Variants in FBN2 observed in about 807,000 individuals in gnomAD.
FBN2 encodes the protein fibrillin 2, also known as fibrillin-2.
FBN2 carries 105 observed loss-of-function variants against 355.6 expected under a neutral mutation model. The ratio of observed to expected loss-of-function variants is 0.30; its 90% CI spans 0.25 to 0.35. The LOEUF (loss-of-function observed/expected upper bound fraction) is 0.35, where lower values mean the gene tolerates loss of function less well. Among genes scored for constraint, FBN2 ranks in the 10% least tolerant of loss-of-function variants. The pLI, the probability that FBN2 is intolerant of heterozygous loss-of-function variation, is 1.00. For missense variants in FBN2, 3,280 were observed against 3,758.7 expected, an observed-to-expected ratio of 0.87 and a Z score of 3.33; for synonymous variants, 1,350 against 1,301.2, an observed-to-expected ratio of 1.04 and a Z score of -0.81.
Position 128,392,983 on chromosome 5 carries a change from C to T in FBN2, c.1465+152G>A, listed in dbSNP as rs1276317874. 10 of 692,640 alleles carry T rather than the reference C, an allele frequency of 1.4e-5. No homozygotes were observed. In the Admixed American group the frequency reaches 2.3e-4, roughly 16 times the overall value. 42.9% of individuals were successfully genotyped at this position (692,640 alleles called of 1,614,324 possible). Reference sequence around the variant, plus strand: ...TGTATCAGACCTTGAAACACTTTTCCCTCTGTCTCTCTCTCTCTCGCACCC... The same window carrying T: ...TGTATCAGACCTTGAAACACTTTTCTCTCTGTCTCTCTCTCTCTCGCACCC... On this transcript the variant is annotated intron_variant, in intron 10 of 64. Coordinates refer to ENST00000262464, the MANE Select transcript of FBN2 (RefSeq NM_001999.4).
At chr5:128,518,055 A>G (rs908516137) in intron 5 of FBN2, among the ~76,000 whole-genome samples, 9 of 152,130 alleles carry the variant, frequency 5.9e-5, no homozygotes, top group Non-Finnish European at 1.0e-4. Flanking sequence ...ATTATTTTAG[A>G]TAGCTTACAC....
chr5:128,360,960 T>C (rs1015795491), intron 19 of FBN2, among the ~76,000 whole-genome samples: 1 of 152,154 alleles, frequency 6.6e-6, no homozygotes, highest in Non-Finnish European at 1.5e-5. Context: ...CACAGTGAGA[T>C]TTAAACAGGA....
In FBN2 at chr5:128,334,722, T is replaced by C. The variant is rs768722316; in HGVS notation, c.4096A>G (p.Thr1366Ala). The C allele has an allele frequency of 8.1e-6, 13 of 1,614,062 alleles. No homozygotes were observed. Among genetic ancestry groups the C allele is most frequent in the African/African-American group, 2.7e-5 (2 of 74,938 alleles). Residue 1366 changes from threonine to alanine, a missense_variant, in exon 31 of 65, where the codon ACA becomes GCA. By Grantham distance (58) the Thr-to-Ala change is moderately conservative. Transcript: ENST00000262464. Reference sequence around the variant, plus strand: ...AGAACACAAGCTTGAAACCTACCTGTACATCCTGTGGTCCCCTTCTTCACT... The same window carrying C: ...AGAACACAAGCTTGAAACCTACCTGCACATCCTGTGGTCCCCTTCTTCACT... Reference protein sequence around the residue: ...YSVKKGTTGCTDVDECEIGAH... With the variant: ...YSVKKGTTGCADVDECEIGAH...
At chr5:128,291,957 A>G (rs1581192576) in intron 48 of FBN2, among the ~76,000 whole-genome samples, 1 of 152,056 alleles carries the variant, frequency 6.6e-6, no homozygotes, top group South Asian at 2.1e-4. Flanking sequence ...TGCAGGCTCC[A>G]TGTGGCCAAA....
chr5:128,308,003 G>A (rs975834550), intron 41 of FBN2, among the ~76,000 whole-genome samples: 1 of 151,894 alleles, frequency 6.6e-6, no homozygotes, highest in Non-Finnish European at 1.5e-5. Flanking sequence ...TCAACTTAAT[G>A]GTTTCTAATT....
intron 48 of FBN2, among the ~76,000 whole-genome samples, chr5:128,296,402 A>G (rs1749512936): frequency 6.6e-6 from 1 of 152,022 alleles, no homozygotes; most frequent in African/African-American, 2.4e-5. Flanking sequence ...GAATAGTTTC[A>G]GAAGGAATGG....
intron 6 of FBN2, among the ~76,000 whole-genome samples, chr5:128,446,873 G>A (rs573695272): frequency 7.9e-5 from 12 of 152,236 alleles, no homozygotes; most frequent in African/African-American, 2.4e-4. Context: ...CAGGGACCCC[G>A]AACGGAGGGA....
At chr5:128,357,209 T>C (rs1751523062) in intron 20 of FBN2, 67 bp downstream of exon 20, 20 of 1,595,038 alleles carry the variant, frequency 1.3e-5, no homozygotes, top group Non-Finnish European at 1.7e-5. Flanking sequence ...TTATCCGTAG[T>C]AAGGCCTGAG....
chr5:128,330,532 A>G (rs1213333801), intron 33 of FBN2, 41 bp downstream of exon 33: 3 of 1,610,440 alleles, frequency 1.9e-6, no homozygotes, highest in East Asian at 2.2e-5. Flanking sequence ...AGAGTGTTCT[A>G]TGACCATCCC....
At chr5:128,483,728 CA>C (rs1345914507) in intron 5 of FBN2, among the ~76,000 whole-genome samples, 2 of 149,408 alleles carry the variant, frequency 1.3e-5, no homozygotes, top group Non-Finnish European at 3.0e-5. Flanking sequence ...GGTTGGCAAT[CA>C]GGGGTGGGGG....
At chr5:128,494,121 C>T (rs1484148386) in intron 5 of FBN2, among the ~76,000 whole-genome samples, 1 of 152,084 alleles carries the variant, frequency 6.6e-6, no homozygotes, top group Non-Finnish European at 1.5e-5. Context: ...AGGTGATCAG[C>T]CCTACCCTGC....
intron 5 of FBN2, among the ~76,000 whole-genome samples, chr5:128,492,620 T>A (rs958586825): frequency 2.0e-5 from 3 of 151,868 alleles, no homozygotes; most frequent in African/African-American, 7.3e-5. Context: ...CTTGCCAACA[T>A]GGCTAGACCC....
At position 128,280,194 on chromosome 5, in the gene FBN2, A is replaced by C; in HGVS notation, c.7136T>G (p.Leu2379Arg). 1 of 1,611,950 alleles carries C rather than the reference A, an allele frequency of 6.2e-7. No homozygotes were observed. Among genetic ancestry groups the C allele is most frequent in the East Asian group, 2.2e-5 (1 of 44,760 alleles). ...FQSSSSGTECLDNRQGLCFAE... is the reference protein window; with the variant it reads ...FQSSSSGTECRDNRQGLCFAE... ...AATATATTTGGATGTCAACTTACCA[A>C]GGCATTCAGTGCCTGAAGAACTTGA... The change falls in exon 56 of 65, where the codon CTT (leucine) becomes CGT (arginine). Residue 2379 changes from leucine (L) to arginine (R), a missense_variant and splice_region_variant. Coordinates refer to ENST00000262464, the MANE Select transcript of FBN2 (RefSeq NM_001999.4).
chr5:128,259,648 T>C lies in FBN2; in HGVS notation c.8546A>G (p.Gln2849Arg). ...GNDDSVFRIH[Q>R]RNGLSYLHTA... ...GTGCAAGTAGCTGAGCCCATTCCTT[T>C]GGTGGATGCGGAAGACGCTGTCATC... The change falls in exon 65 of 65, where the codon CAA (glutamine) becomes CGA (arginine). Residue 2849 changes from glutamine (Q) to arginine (R), a missense_variant. Physicochemically the swap from Gln to Arg is conservative, Grantham distance 43. Transcript: ENST00000262464. The C allele has an allele frequency of 1.9e-6, 3 of 1,613,954 alleles. No individual in the cohort carries two copies. The highest frequency in any genetic ancestry group is 2.5e-6 in the Non-Finnish European group (3 of 1,179,968).
chr5:128,370,588 A>C (rs1751907308), intron 15 of FBN2, among the ~76,000 whole-genome samples: 2 of 152,168 alleles, frequency 1.3e-5, no homozygotes, highest in Admixed American at 1.3e-4. Flanking sequence ...CACAGATTTG[A>C]CTTGAAGGCA....
chr5:128,403,688 A>G (rs1211443430), intron 8 of FBN2, among the ~76,000 whole-genome samples: 10 of 152,164 alleles, frequency 6.6e-5, no homozygotes, highest in Admixed American at 6.6e-4. Flanking sequence ...AAATATTATT[A>G]GGTACGTTTT....
At chr5:128,517,601 G>A (rs1756314872) in intron 5 of FBN2, among the ~76,000 whole-genome samples, 1 of 152,058 alleles carries the variant, frequency 6.6e-6, no homozygotes, top group South Asian at 2.1e-4. Flanking sequence ...ATATCTTGAT[G>A]TATATATACA....
In FBN2 at chr5:128,339,563, C is replaced by A. The variant is rs1181453563; in HGVS notation, c.3344-502G>T. On this transcript the variant is annotated intron_variant, in intron 25 of 64. Transcript: ENST00000262464. ...CACCACTGTACTCCAGCCTGGGTGACAGAGGGACAACCTGTCTCAAAAAAG... is the reference window on the plus strand; with the variant it reads ...CACCACTGTACTCCAGCCTGGGTGAAAGAGGGACAACCTGTCTCAAAAAAG... Among the ~76,000 whole-genome samples, 8 of 152,064 alleles carry A rather than the reference C, an allele frequency of 5.3e-5. No individual in the cohort carries two copies. In the East Asian group the frequency reaches 1.4e-3, roughly 26 times the overall value.
intron 7 of FBN2, among the ~76,000 whole-genome samples, chr5:128,443,160 C>A (rs1033566861): frequency 1.1e-4 from 16 of 152,130 alleles, no homozygotes; most frequent in African/African-American, 3.9e-4. Flanking sequence ...CAAAGAGGAA[C>A]CATGACACAG....
Sources: gnomAD v4.1 joint callset for allele counts (sites outside exome capture counted in the v4.1 genomes callset) on GRCh38, gnomAD v4.1.1 for gene constraint, MANE v1.5 for transcripts, NCBI Gene and HGNC (gene_info 2026-07-23, HGNC 2026-07-21) for gene names.